The following LDB2 variants were observed in gnomAD, a reference collection of about 807,000 sequenced individuals.
LDB2 encodes LIM domain binding 2.
A neutral mutation model predicts 44.3 loss-of-function variants in LDB2; 12 were observed. That is an observed-to-expected ratio of 0.27 (90% CI 0.17 to 0.44). The LOEUF is 0.44. Among genes scored for constraint, LDB2 ranks in the 20% least tolerant of loss-of-function variants. LDB2 has a pLI of 1.00. For missense variants in LDB2, 344 were observed against 473.5 expected, an observed-to-expected ratio of 0.73 and a Z score of 2.54; for synonymous variants, 164 against 174.8, an observed-to-expected ratio of 0.94 and a Z score of 0.49.
At chr4:16,662,200 T>C (rs1741787277) in intron 2 of LDB2, among the ~76,000 whole-genome samples, 1 of 152,170 alleles carries the variant, frequency 6.6e-6, no homozygotes, top group Non-Finnish European at 1.5e-5. Flanking sequence ...TGCCCATTCC[T>C]TCAGTCCCTA....
intron 2 of LDB2, among the ~76,000 whole-genome samples, chr4:16,706,327 G>A (rs927578947): frequency 2.6e-5 from 4 of 152,136 alleles, no homozygotes; most frequent in African/African-American, 9.7e-5. Context: ...TAAGATTAGT[G>A]CCATTATAAA....
chr4:16,818,452 T>C (rs6823913), intron 1 of LDB2, among the ~76,000 whole-genome samples: 2,495 of 152,344 alleles, frequency 0.016, 77 homozygotes, highest in African/African-American at 0.057. Context: ...CCAGGTATTA[T>C]AGAGAAAGTT....
At chr4:16,662,187 C>G (rs1741784165) in intron 2 of LDB2, among the ~76,000 whole-genome samples, 1 of 152,182 alleles carries the variant, frequency 6.6e-6, no homozygotes, top group Admixed American at 6.5e-5. Context: ...TTCCTCACCA[C>G]AGTGCCCATT....
chr4:16,745,895 A>G (rs1260372765), intron 2 of LDB2, among the ~76,000 whole-genome samples: 1 of 105,728 alleles, frequency 9.5e-6, no homozygotes, highest in African/African-American at 5.0e-5. Context: ...TCTATTGTTG[A>G]AAAAAAAAAA....
At chr4:16,754,609 C>A (rs1354423652) in intron 2 of LDB2, among the ~76,000 whole-genome samples, 1 of 151,714 alleles carries the variant, frequency 6.6e-6, no homozygotes, top group East Asian at 1.9e-4. Flanking sequence ...TTCACTGCAA[C>A]CTCCATCCGC....
At chr4:16,594,215 C>T (rs1325031598) in intron 3 of LDB2, among the ~76,000 whole-genome samples, 1 of 151,964 alleles carries the variant, frequency 6.6e-6, no homozygotes, top group Non-Finnish European at 1.5e-5. Context: ...AAGGCTTTCT[C>T]TGCAGTGCTA....
chr4:16,545,828 T>C (rs2152335683), intron 5 of LDB2, among the ~76,000 whole-genome samples: 1 of 152,368 alleles, frequency 6.6e-6, no homozygotes, highest in East Asian at 1.9e-4. Context: ...AATGGTACTT[T>C]TCACATTTCT....
At chr4:16,606,419 A>T (rs146126943) in intron 2 of LDB2, among the ~76,000 whole-genome samples, 2,777 of 152,298 alleles carry the variant, frequency 0.018, 38 homozygotes, top group South Asian at 0.047. Context: ...AAATGCTGTT[A>T]CCAATTTGCT....
At chr4:16,842,549 A>G (rs1786083372) in intron 1 of LDB2, among the ~76,000 whole-genome samples, 1 of 152,224 alleles carries the variant, frequency 6.6e-6, no homozygotes, top group African/African-American at 2.4e-5. Flanking sequence ...TAAGGCACTC[A>G]GATATTTTGA....
At chr4:16,574,692 A>G (rs1359401520) in intron 5 of LDB2, among the ~76,000 whole-genome samples, 1 of 152,264 alleles carries the variant, frequency 6.6e-6, no homozygotes, top group Non-Finnish European at 1.5e-5. Context: ...TGGCAGCAGT[A>G]CAAGTTGAGT....
chr4:16,798,257 T>G (rs1445811676), intron 1 of LDB2, among the ~76,000 whole-genome samples: 1 of 152,074 alleles, frequency 6.6e-6, no homozygotes, highest in African/African-American at 2.4e-5. Context: ...TTGTGAATAT[T>G]ATTATATGAA....
At chr4:16,525,637 TG>T (rs970538693) in intron 5 of LDB2, among the ~76,000 whole-genome samples, 1 of 152,190 alleles carries the variant, frequency 6.6e-6, no homozygotes, top group African/African-American at 2.4e-5. Context: ...TTCTAGGTGC[TG>T]GGGGTGCTAT....
intron 1 of LDB2, among the ~76,000 whole-genome samples, chr4:16,846,272 T>C (rs1786987414): frequency 6.6e-6 from 1 of 152,220 alleles, no homozygotes; most frequent in East Asian, 1.9e-4. Context: ...GTTTAACAGA[T>C]AAGAAGCCTC....
intron 1 of LDB2, among the ~76,000 whole-genome samples, chr4:16,897,914 A>ATATATATATATATATATACACATATG (rs1561574163): frequency 1.7e-3 from 28 of 16,090 alleles, no homozygotes; most frequent in Non-Finnish European, 2.3e-3. Flanking sequence ...ATATATATAT[A>ATATATATATATATATATACACATATG]TATATATATA....
chr4:16,527,134 AAGTT>A (rs1425008483), intron 5 of LDB2, among the ~76,000 whole-genome samples: 10 of 152,220 alleles, frequency 6.6e-5, no homozygotes, highest in African/African-American at 2.4e-4. Flanking sequence ...ATCTCAGAGA[AAGTT>A]AGACAGCGAG....
intron 5 of LDB2, among the ~76,000 whole-genome samples, chr4:16,560,892 G>A (rs978666185): frequency 1.3e-5 from 2 of 152,172 alleles, no homozygotes; most frequent in African/African-American, 4.8e-5. Context: ...CTTCATCCCT[G>A]GGATGCAAGA....
At chr4:16,661,032 A>G (rs1741428172) in intron 2 of LDB2, among the ~76,000 whole-genome samples, 1 of 152,238 alleles carries the variant, frequency 6.6e-6, no homozygotes, top group East Asian at 1.9e-4. Context: ...ACTTTTGATT[A>G]TAAAGCCAAA....
At chr4:16,748,216 A>T (rs1438232769) in intron 2 of LDB2, among the ~76,000 whole-genome samples, 1 of 152,160 alleles carries the variant, frequency 6.6e-6, no homozygotes, top group Non-Finnish European at 1.5e-5. Context: ...AGTTCTCCTG[A>T]CTTGTTGAAA....
intron 2 of LDB2, among the ~76,000 whole-genome samples, chr4:16,719,552 G>A (rs1416040693): frequency 6.6e-6 from 1 of 152,040 alleles, no homozygotes; most frequent in Non-Finnish European, 1.5e-5. Context: ...AAGTGTCTTA[G>A]AATCCTATCT....
Sources: allele counts gnomAD v4.1 joint callset (sites outside exome capture counted in the v4.1 genomes callset), GRCh38; gene constraint gnomAD v4.1.1; transcripts MANE v1.5; gene names NCBI Gene and HGNC (gene_info 2026-07-23, HGNC 2026-07-21).